The following BNIP3 variants were observed in gnomAD, a reference collection of about 807,000 sequenced individuals.
The protein encoded by BNIP3 is BCL2/adenovirus E1B 19 kDa protein-interacting protein 3.
In BNIP3, 16 loss-of-function variants were observed where a neutral mutation model predicts 23.9. The observed-to-expected ratio is 0.67, with a 90% CI of 0.45 to 1.01. The LOEUF (loss-of-function observed/expected upper bound fraction) is 1.01. Among genes scored for constraint, BNIP3 ranks in the 50% least tolerant of loss-of-function variants. The pLI is 0.00. For synonymous variants in BNIP3, 81 were observed against 89.3 expected (o/e 0.91, Z 0.53); for missense variants, 198 against 248.7 (o/e 0.80, Z 1.37).
In BNIP3 at chr10:131,975,371, G is replaced by A. The variant is rs182615043; in HGVS notation, c.47-1428C>T. On this transcript the variant is annotated intron_variant, in intron 1 of 5. Transcript: ENST00000368636. Reference sequence around the variant, plus strand: ...GGAGCTTCCTCTGGTAGCGTATGGAGGATGGAGTGCAGTGGGAGGAAAGTG... The same window carrying A: ...GGAGCTTCCTCTGGTAGCGTATGGAAGATGGAGTGCAGTGGGAGGAAAGTG... Among the ~76,000 whole-genome samples the A allele has an allele frequency of 5.9e-5, 9 of 152,338 alleles. No homozygotes were observed. The East Asian group carries it at 1.5e-3, about 26-fold the overall frequency.
At position 131,967,707 on chromosome 10, in the gene BNIP3, A is replaced by T. The variant is rs1289373499; in HGVS notation, c.*817T>A. The stretch of plus-strand genomic sequence containing the variant: ...AATCTGAAGGATTTGGCAAAGATTT[A>T]TTTTTTTTTCCATTTCCAGTTTTTT... On this transcript the variant is annotated 3_prime_UTR_variant, in exon 6 of 6. Coordinates refer to ENST00000368636, the MANE Select transcript of BNIP3 (RefSeq NM_004052.4). 2.0e-5 allele frequency: 3 copies of T among 152,046 alleles called. No homozygotes were observed. The highest frequency in any genetic ancestry group is 7.3e-5 in the African/African-American group (3 of 41,258). The allele number at this position is 152,046 out of a possible 1,614,324, so 9.4% of individuals were successfully genotyped here. A position where few individuals can be genotyped will look rare whatever the true frequency, so the allele number is the denominator to read the frequency against.
Position 131,973,736 on chromosome 10 carries a change from T to A in BNIP3, c.197+57A>T, listed in dbSNP as rs1422382228. On this transcript the variant is annotated intron_variant, in intron 2 of 5. Coordinates refer to ENST00000368636, the MANE Select transcript of BNIP3 (RefSeq NM_004052.4). The stretch of plus-strand genomic sequence containing the variant: ...TGACACGGGCACTTCCAGCTGTGAC[T>A]GTCACCCACTGAAGACATCGGCACT... 3.1e-6 allele frequency: 5 copies of A among 1,593,924 alleles called. No individual in the cohort carries two copies. The East Asian group carries it at 1.1e-4, about 36-fold the overall frequency.
chr10:131,977,450 C>T (rs767976130), intron 1 of BNIP3, among the ~76,000 whole-genome samples: 12 of 152,222 alleles, frequency 7.9e-5, no homozygotes, highest in Non-Finnish European at 1.5e-4. Flanking sequence ...CTCTGCGCTA[C>T]TGCAACAGAA....
chr10:131,973,872 T>C lies in BNIP3; in HGVS notation c.118A>G (p.Asn40Asp). 6.2e-7 allele frequency: 1 copy of C among 1,613,240 alleles called. No homozygotes were observed. Among genetic ancestry groups the C allele is most frequent in the Non-Finnish European group, 8.5e-7 (1 of 1,180,044 alleles). ...AGCAGTATTTTTTCCATGTCTCCAT[T>C]ATAAATAGAAACCGAGGCTGGAACG... is the stretch of plus-strand genomic sequence containing the variant. ...GSVPASVSIY[N>D]GDMEKILLDA... is the part of the protein sequence containing the mutation. Residue 40 changes from asparagine to aspartate, a missense_variant, in exon 2 of 6, where the codon AAT (asparagine) becomes GAT (aspartate). Physicochemically the swap from Asn to Asp is conservative, Grantham distance 23. Transcript: ENST00000368636.
chr10:131,971,904 C>T (rs1219417622), intron 3 of BNIP3, among the ~76,000 whole-genome samples: 1 of 152,206 alleles, frequency 6.6e-6, no homozygotes, highest in Non-Finnish European at 1.5e-5. Flanking sequence ...TGAAGAAAGC[C>T]TTGAGGGAAG....
At chr10:131,975,531 C>T (rs192586353) in intron 1 of BNIP3, among the ~76,000 whole-genome samples, 5 of 152,276 alleles carry the variant, frequency 3.3e-5, no homozygotes, top group Non-Finnish European at 7.3e-5. Context: ...GCACTAATAA[C>T]ACCATGCAAT....
At chr10:131,979,168 T>G (rs3793740) in intron 1 of BNIP3, among the ~76,000 whole-genome samples, 29,660 of 152,126 alleles carry the variant, frequency 0.19, 3,087 homozygotes, top group African/African-American at 0.26. Flanking sequence ...CCTTAAGTGT[T>G]GTTGCCAGCC....
chr10:131,981,096 T>C (rs761430651), intron 1 of BNIP3: 1 of 152,254 alleles, frequency 6.6e-6, no homozygotes, highest in Non-Finnish European at 1.5e-5. Context: ...ACTCGGGCAT[T>C]AGGCAGGCTG....
chr10:131,974,662 G>A (rs1248652978), intron 1 of BNIP3, among the ~76,000 whole-genome samples: 5 of 152,200 alleles, frequency 3.3e-5, no homozygotes, highest in African/African-American at 1.2e-4. Flanking sequence ...TTACAGGCGT[G>A]AGCCACCATG....
At chr10:131,978,516 C>T (rs1258064119) in intron 1 of BNIP3, among the ~76,000 whole-genome samples, 1 of 152,164 alleles carries the variant, frequency 6.6e-6, no homozygotes, top group Non-Finnish European at 1.5e-5. Context: ...CCCTGGGTCC[C>T]ATTCCTCAAC....
chr10:131,977,081 T>A (rs2037083197), intron 1 of BNIP3, among the ~76,000 whole-genome samples: 1 of 152,160 alleles, frequency 6.6e-6, no homozygotes, highest in African/African-American at 2.4e-5. Context: ...GAGACCAGCC[T>A]GACCAACATG....
rs1366652457 is a variant in BNIP3, at chr10:131,976,411, G to A, written c.47-2468C>T. Among the ~76,000 whole-genome samples the A allele has an allele frequency of 6.6e-6, 1 of 152,168 alleles. No homozygotes were observed. The highest frequency in any genetic ancestry group is 1.5e-5 in the Non-Finnish European group (1 of 68,028). On this transcript the variant is annotated intron_variant, in intron 1 of 5. Coordinates refer to ENST00000368636, the MANE Select transcript of BNIP3 (RefSeq NM_004052.4). This position sits in a 1 kb window ranked among gnomAD's most constrained non-coding sequence, Gnocchi z 4.3. ...CACAGATGCAAGCAGAGAATGGGGT[G>A]TCCAGGTTACCCGTATTTCTGCCAG...
chr10:131,970,263 TGA>T lies in BNIP3; in HGVS notation c.539+373_539+374del. 1 of 184,560 alleles carries T rather than the reference TGA, an allele frequency of 5.4e-6. No homozygotes were observed. The highest frequency in any genetic ancestry group is 1.1e-5 in the Non-Finnish European group (1 of 88,164). 11.4% of individuals were successfully genotyped at this position (184,560 alleles called of 1,614,324 possible). ...GTCTGGAGGAAGTACAGCAGGTAAC[TGA>T]GACCCTCCACCTACAGCAGAGCTGG... is the stretch of plus-strand genomic sequence containing the variant. On this transcript the variant is annotated intron_variant, in intron 5 of 5. Transcript: ENST00000368636. The surrounding 1 kb of genome is among the most constrained non-coding windows in gnomAD (Gnocchi z 4.1).
At chr10:131,968,806 T>C (rs2036994385) in intron 5 of BNIP3, 2 of 388,584 alleles carry the variant, frequency 5.1e-6, no homozygotes, top group Admixed American at 7.5e-5. Context: ...CATAGAAGGA[T>C]CACCAAACCG....
rs1037830497 is a variant in BNIP3, at chr10:131,973,215, G to A, written c.198-97C>T. ...AAAGGCAGTGAACCGCCTCCGTGAT[G>A]AGGGGCTCTAGCCAGTCAGCGTACG... On this transcript the variant is annotated intron_variant, in intron 2 of 5. Transcript: ENST00000368636. The A allele has an allele frequency of 2.7e-5, 34 of 1,250,510 alleles. No individual in the cohort carries two copies. The Admixed American group carries it at 4.1e-4, about 15-fold the overall frequency. The allele number at this position is 1,250,510 out of a possible 1,614,324, so 77.5% of individuals were successfully genotyped here.
chr10:131,979,962 G>A (rs1163624663), intron 1 of BNIP3, among the ~76,000 whole-genome samples: 1 of 152,232 alleles, frequency 6.6e-6, no homozygotes, highest in Non-Finnish European at 1.5e-5. Flanking sequence ...TTTGCAGGCA[G>A]CTGGAGCCCG....
At chr10:131,981,740 G>GCGCC in intron 1 of BNIP3, 21 bp downstream of exon 1, 1 of 1,457,020 alleles carries the variant, frequency 6.9e-7, no homozygotes, top group Non-Finnish European at 9.0e-7. Context: ...CTCGGCTCCC[G>GCGCC]CGCCGCCTCC....
In BNIP3 at chr10:131,968,628, C is replaced by T. The variant is rs2036992403; in HGVS notation, c.540-59G>A. The T allele has an allele frequency of 1.1e-5, 16 of 1,449,930 alleles. No homozygotes were observed. The South Asian group carries it at 1.6e-4, about 14-fold the overall frequency. The allele number at this position is 1,449,930 out of a possible 1,614,324, so 89.8% of individuals were successfully genotyped here. Reference sequence around the variant, plus strand: ...TTGTGATTCACAGGAGACTGTGTTACAGCTGAAACAGGGTAGCTCACTGTG... The same window carrying T: ...TTGTGATTCACAGGAGACTGTGTTATAGCTGAAACAGGGTAGCTCACTGTG... On this transcript the variant is annotated intron_variant, in intron 5 of 5. Transcript: ENST00000368636.
intron 1 of BNIP3, among the ~76,000 whole-genome samples, chr10:131,979,039 T>C (rs2037099563): frequency 6.6e-6 from 1 of 152,152 alleles, no homozygotes; most frequent in East Asian, 1.9e-4. Flanking sequence ...CACCTTCCTG[T>C]TGCCTCCAGG....
Sources: gnomAD v4.1 joint callset for allele counts (sites outside exome capture counted in the v4.1 genomes callset) on GRCh38, gnomAD v4.1.1 for gene constraint, Gnocchi (gnomAD v3.1) non-coding constraint, MANE v1.5 for transcripts, NCBI Gene and HGNC (gene_info 2026-07-23, HGNC 2026-07-21) for gene names.